The following HHAT variants were observed in gnomAD, a reference collection of about 807,000 sequenced individuals.
The protein encoded by HHAT is protein-cysteine N-palmitoyltransferase HHAT.
In HHAT, 47 loss-of-function variants were observed where a neutral mutation model predicts 70.8. The ratio of observed to expected loss-of-function variants is 0.66; its 90% CI spans 0.53 to 0.85. The LOEUF (loss-of-function observed/expected upper bound fraction) is 0.85, where lower values mean the gene tolerates loss of function less well. Among genes scored for constraint, HHAT ranks in the 40% least tolerant of loss-of-function variants. The probability of loss-of-function intolerance (pLI) is 0.00; values close to 1 mark genes in which losing one functional copy is unlikely to be tolerated. For missense variants in HHAT, 609 were observed against 604.8 expected, an observed-to-expected ratio of 1.01 and a Z score of -0.07; for synonymous variants, 228 against 247.6, an observed-to-expected ratio of 0.92 and a Z score of 0.74.
intron 7 of HHAT, among the ~76,000 whole-genome samples, chr1:210,459,076 T>C (rs79514268): frequency 6.6e-6 from 1 of 152,206 alleles, no homozygotes; most frequent in African/African-American, 2.4e-5. Flanking sequence ...GAGTTTAAGA[T>C]GGCCCGTTTG....
At chr1:210,627,049 T>A (rs1669962758) in intron 11 of HHAT, among the ~76,000 whole-genome samples, 1 of 152,120 alleles carries the variant, frequency 6.6e-6, no homozygotes, top group Non-Finnish European at 1.5e-5. Flanking sequence ...GCATTTAAGC[T>A]CAGTGTCTAG....
chr1:210,406,975 C>A (rs1235578761), intron 6 of HHAT, among the ~76,000 whole-genome samples: 1 of 152,072 alleles, frequency 6.6e-6, no homozygotes, highest in East Asian at 1.9e-4. Flanking sequence ...CTTGAAAGGG[C>A]AAATTAAAAC....
chr1:210,445,768 G>C (rs1427802519), intron 7 of HHAT, among the ~76,000 whole-genome samples: 1 of 152,138 alleles, frequency 6.6e-6, no homozygotes, highest in Non-Finnish European at 1.5e-5. Flanking sequence ...TAGAAGGCTA[G>C]ACATCTCCTG....
At chr1:210,541,137 A>G (rs1486432788) in intron 9 of HHAT, among the ~76,000 whole-genome samples, 2 of 152,168 alleles carry the variant, frequency 1.3e-5, no homozygotes, top group African/African-American at 2.4e-5. Flanking sequence ...CACTGCGTCT[A>G]GCCAAGTATT....
chr1:210,556,620 A>AATAT (rs2095575085), intron 9 of HHAT, among the ~76,000 whole-genome samples: 1 of 152,184 alleles, frequency 6.6e-6, no homozygotes. Flanking sequence ...GGCCTCCAAG[A>AATAT]GGGGAGCTGA....
chr1:210,608,049 T>C lies in HHAT; in HGVS notation c.1246-15477T>C, dbSNP rs148823863. Among the ~76,000 whole-genome samples, 41 of 152,336 alleles carry C rather than the reference T, an allele frequency of 2.7e-4. No individual in the cohort carries two copies. In the East Asian group the frequency reaches 4.4e-3, roughly 16 times the overall value. On this transcript the variant is annotated intron_variant, in intron 10 of 11. Coordinates refer to ENST00000261458, the MANE Select transcript of HHAT (RefSeq NM_018194.6). ...CAGATCTGTGTAATCAGGAATGATA[T>C]GGATGGTATGGATATATAATTTAGC... is the stretch of plus-strand genomic sequence containing the variant.
In HHAT at chr1:210,617,089, T is replaced by G. The variant is rs372879591; in HGVS notation, c.1246-6437T>G. ...TGGAAATATAGAACCTAAACCTAAG[T>G]TGGGCTGGTCCAAAGCTGTTGCTCT... is the stretch of plus-strand genomic sequence containing the variant. On this transcript the variant is annotated intron_variant, in intron 10 of 11. Coordinates refer to ENST00000261458, the MANE Select transcript of HHAT (RefSeq NM_018194.6). Among the ~76,000 whole-genome samples, 23 of 152,240 alleles carry G rather than the reference T, an allele frequency of 1.5e-4. No individual in the cohort carries two copies. The East Asian group carries it at 4.4e-3, about 29-fold the overall frequency.
chr1:210,525,450 T>C (rs1395362293), intron 9 of HHAT, among the ~76,000 whole-genome samples: 2 of 152,184 alleles, frequency 1.3e-5, no homozygotes, highest in Non-Finnish European at 2.9e-5. Context: ...CACAGAATGT[T>C]AGAATGGAAG....
intron 4 of HHAT, among the ~76,000 whole-genome samples, chr1:210,399,391 G>A (rs2091955249): frequency 6.6e-6 from 1 of 152,060 alleles, no homozygotes; most frequent in South Asian, 2.1e-4. Flanking sequence ...CGGGTAGTTG[G>A]GATTACAGTC....
chr1:210,661,642 GA>G (rs1347937002), intron 11 of HHAT, among the ~76,000 whole-genome samples: 1 of 152,160 alleles, frequency 6.6e-6, no homozygotes, highest in Non-Finnish European at 1.5e-5. Flanking sequence ...CAAAAACTTG[GA>G]ACCAACCCAA....
At chr1:210,468,201 A>T (rs1005575410) in intron 8 of HHAT, among the ~76,000 whole-genome samples, 1 of 151,920 alleles carries the variant, frequency 6.6e-6, no homozygotes, top group Non-Finnish European at 1.5e-5. Context: ...TAATTTTTGG[A>T]TTTCACGTTT....
At chr1:210,529,405 C>T (rs534587790) in intron 9 of HHAT, among the ~76,000 whole-genome samples, 48 of 151,748 alleles carry the variant, frequency 3.2e-4, no homozygotes, top group African/African-American at 1.1e-3. Flanking sequence ...CTATGAGAAG[C>T]GGGGATATCA....
chr1:210,392,504 T>C (rs1313728651), intron 4 of HHAT, among the ~76,000 whole-genome samples: 3 of 152,322 alleles, frequency 2.0e-5, no homozygotes, highest in African/African-American at 7.2e-5. Context: ...CTTCATGTAC[T>C]GTGCGTATGT....
intron 7 of HHAT, among the ~76,000 whole-genome samples, chr1:210,447,799 C>T (rs1055279164): frequency 3.9e-5 from 6 of 152,116 alleles, no homozygotes; most frequent in African/African-American, 9.7e-5. Flanking sequence ...AGAGAAGATA[C>T]GAGGCCCCAC....
intron 10 of HHAT, among the ~76,000 whole-genome samples, chr1:210,603,118 C>T (rs1435894675): frequency 6.6e-6 from 1 of 152,214 alleles, no homozygotes; most frequent in Non-Finnish European, 1.5e-5. Context: ...GCTGCCTTTG[C>T]TCGGCTGCTC....
chr1:210,362,236 C>CTTTTTTTTT (rs72236593), intron 2 of HHAT, among the ~76,000 whole-genome samples: 1 of 139,676 alleles, frequency 7.2e-6, no homozygotes, highest in African/African-American at 2.7e-5. Context: ...GTCAAAATTT[C>CTTTTTTTTT]TTTTTTTTTT....
intron 2 of HHAT, among the ~76,000 whole-genome samples, chr1:210,352,298 T>G (rs990975074): frequency 6.6e-6 from 1 of 152,168 alleles, no homozygotes; most frequent in African/African-American, 2.4e-5. Flanking sequence ...CCAAGAAATA[T>G]CTTCCTCAAA....
chr1:210,524,273 A>G (rs1398804869), intron 9 of HHAT, among the ~76,000 whole-genome samples: 1 of 152,184 alleles, frequency 6.6e-6, no homozygotes, highest in Non-Finnish European at 1.5e-5. Context: ...TAAATGGAAG[A>G]ACAAAAAGAA....
chr1:210,623,676 T>C lies in HHAT; in HGVS notation c.1390+6T>C. On this transcript the variant is annotated splice_donor_region_variant and intron_variant, in intron 11 of 11. Transcript: ENST00000261458. ...GAATAGGATCTTCATACAAGGTAAG[T>C]TGCTTGACAGTGCTGTTTTCAGTCA... 6.2e-7 allele frequency: 1 copy of C among 1,613,040 alleles called. No individual in the cohort carries two copies. The highest frequency in any genetic ancestry group is 8.5e-7 in the Non-Finnish European group (1 of 1,179,288).
Sources: allele counts gnomAD v4.1 joint callset (sites outside exome capture counted in the v4.1 genomes callset), GRCh38; gene constraint gnomAD v4.1.1; transcripts MANE v1.5; gene names NCBI Gene and HGNC (gene_info 2026-07-23, HGNC 2026-07-21).